WDR7: variants seen among roughly 807,000 people sequenced by gnomAD.
The protein encoded by WDR7 is WD repeat domain 7, also known as WD repeat-containing protein 7.
WDR7 carries 46 observed loss-of-function variants against 169.4 expected under a neutral mutation model. That is an observed-to-expected ratio of 0.27 (90% CI 0.21 to 0.35). The LOEUF (loss-of-function observed/expected upper bound fraction) is 0.35, where lower values mean the gene tolerates loss of function less well. WDR7 is among the 10% of genes least tolerant of loss of function. WDR7 has a pLI of 1.00. For missense variants in WDR7, 1,534 were observed against 1,859.3 expected, an observed-to-expected ratio of 0.83 and a Z score of 3.22; for synonymous variants, 612 against 666.8, an observed-to-expected ratio of 0.92 and a Z score of 1.27.
chr18:56,695,265 CT>C, intron 11 of WDR7, 67 bp downstream of exon 11: 17 of 1,548,508 alleles, frequency 1.1e-5, no homozygotes, highest in Non-Finnish European at 1.5e-5. Context: ...GAAAATGTCT[CT>C]GTTTTTTGTT....
intron 16 of WDR7, among the ~76,000 whole-genome samples, chr18:56,765,951 CT>C (rs2044059342): frequency 6.6e-6 from 1 of 151,498 alleles, no homozygotes; most frequent in Non-Finnish European, 1.5e-5. Context: ...GCTAATCTTT[CT>C]TTTAGTGAGC....
chr18:56,965,480 CCAAA>C (rs2047396149), intron 26 of WDR7, among the ~76,000 whole-genome samples: 1 of 150,878 alleles, frequency 6.6e-6, no homozygotes, highest in South Asian at 2.1e-4. Flanking sequence ...TCTGTTATTC[CCAAA>C]CAGATTATGC....
chr18:57,027,113 A>T lies in WDR7; in HGVS notation c.4379A>T (p.His1460Leu). ...GTGCAGCCCGCGTCCCCCGGCTCCCACAATGCCCTCAAGCTGGCCCGGCTC... is the reference window on the plus strand; with the variant it reads ...GTGCAGCCCGCGTCCCCCGGCTCCCTCAATGCCCTCAAGCTGGCCCGGCTC... ...PPVQPASPGS[H>L]NALKLARLIW... is the part of the protein sequence containing the mutation. Residue 1460 changes from histidine to leucine, a missense_variant, in exon 28 of 28, where the codon CAC becomes CTC. By Grantham distance (99) the His-to-Leu change is moderately conservative (BLOSUM62 -3). Transcript: ENST00000254442. The T allele has an allele frequency of 2.5e-6, 4 of 1,614,178 alleles. No homozygotes were observed. The South Asian group carries it at 3.3e-5, about 13-fold the overall frequency.
Position 57,027,083 on chromosome 18 carries a change from C to G in WDR7, c.4349C>G (p.Pro1450Arg). 2 of 1,614,188 alleles carry G rather than the reference C, an allele frequency of 1.2e-6. No homozygotes were observed. Among genetic ancestry groups the G allele is most frequent in the Non-Finnish European group, 1.7e-6 (2 of 1,180,038 alleles). Residue 1450 changes from proline (P) to arginine (R), a missense_variant, in exon 28 of 28, where the codon CCC (proline) becomes CGC (arginine). Coordinates refer to ENST00000254442, the MANE Select transcript of WDR7 (RefSeq NM_015285.3). ...QLRCIKTYQV[P>R]PVQPASPGSH... is the part of the protein sequence containing the mutation. The stretch of plus-strand genomic sequence containing the variant: ...CGCTGCATTAAAACCTACCAGGTGC[C>G]CCCTGTGCAGCCCGCGTCCCCCGGC...
intron 12 of WDR7, among the ~76,000 whole-genome samples, chr18:56,710,193 C>G (rs59203308): frequency 6.6e-6 from 1 of 151,628 alleles, no homozygotes; most frequent in African/African-American, 2.4e-5. Context: ...TTAGTAGACA[C>G]GGGGTTTCAC....
chr18:56,660,658 TA>T (rs55736389), intron 1 of WDR7, among the ~76,000 whole-genome samples: 5,729 of 145,612 alleles, frequency 0.039, 360 homozygotes, highest in African/African-American at 0.14. Context: ...ATTTAAAGGT[TA>T]AAAAAAAAAA....
At chr18:56,775,930 T>C (rs1009592921) in intron 16 of WDR7, among the ~76,000 whole-genome samples, 22 of 152,218 alleles carry the variant, frequency 1.4e-4, no homozygotes, top group African/African-American at 4.8e-4. Flanking sequence ...TGAAGATGCT[T>C]GTGCATGACA....
chr18:56,761,509 A>G (rs2043980308), intron 16 of WDR7, among the ~76,000 whole-genome samples: 1 of 152,036 alleles, frequency 6.6e-6, no homozygotes, highest in African/African-American at 2.4e-5. Flanking sequence ...TTTTAGAATC[A>G]GTTTCTCAAT....
At chr18:56,996,772 C>G (rs2047905076) in intron 26 of WDR7, among the ~76,000 whole-genome samples, 1 of 152,160 alleles carries the variant, frequency 6.6e-6, no homozygotes, top group Admixed American at 6.5e-5. Context: ...AGCTTAAAAT[C>G]AGGCTTTCAG....
At chr18:56,709,902 A>G (rs752371802) in intron 12 of WDR7, among the ~76,000 whole-genome samples, 18 of 151,740 alleles carry the variant, frequency 1.2e-4, no homozygotes, top group Non-Finnish European at 2.4e-4. Flanking sequence ...ATTAATGTAT[A>G]CCCACTGTTA....
chr18:56,978,569 C>A (rs1008847726), intron 26 of WDR7, among the ~76,000 whole-genome samples: 2 of 152,190 alleles, frequency 1.3e-5, no homozygotes, highest in African/African-American at 2.4e-5. Flanking sequence ...GGAAAATAAT[C>A]ATTAATTGTA....
At chr18:56,705,752 A>G (rs1266213963) in intron 12 of WDR7, among the ~76,000 whole-genome samples, 4 of 152,224 alleles carry the variant, frequency 2.6e-5, no homozygotes, top group Non-Finnish European at 5.9e-5. Context: ...TAATCCCAGC[A>G]TTTTGGCAGG....
intron 19 of WDR7, among the ~76,000 whole-genome samples, chr18:56,805,614 C>T (rs1464940868): frequency 1.3e-5 from 2 of 151,970 alleles, no homozygotes; most frequent in African/African-American, 2.4e-5. Context: ...AAACTGAATT[C>T]CTGAACTATT....
chr18:56,731,731 G>A lies in WDR7; in HGVS notation c.1989+134G>A, dbSNP rs1047192302. On this transcript the variant is annotated intron_variant, in intron 14 of 27. Coordinates refer to ENST00000254442, the MANE Select transcript of WDR7 (RefSeq NM_015285.3). ...AAATAAACTTTTGATTTTCATTTAG[G>A]TTTATCCAACATGGTTTGAGTTTTT... 8.7e-5 allele frequency: 70 copies of A among 802,482 alleles called. No individual in the cohort carries two copies. In the African/African-American group the frequency reaches 1.1e-3, roughly 13 times the overall value. The allele number at this position is 802,482 out of a possible 1,614,324, so 49.7% of individuals were successfully genotyped here.
chr18:56,658,924 G>T (rs2024839911), intron 1 of WDR7, among the ~76,000 whole-genome samples: 1 of 151,960 alleles, frequency 6.6e-6, no homozygotes, highest in Admixed American at 6.6e-5. Context: ...CACCATGTTG[G>T]CCAGGCTGGT....
intron 14 of WDR7, among the ~76,000 whole-genome samples, chr18:56,755,067 T>C (rs1167091663): frequency 2.0e-5 from 3 of 152,110 alleles, no homozygotes; most frequent in African/African-American, 7.2e-5. Flanking sequence ...TTATGTTTCT[T>C]TTACTGTCTT....
intron 2 of WDR7, among the ~76,000 whole-genome samples, chr18:56,674,642 T>C (rs1052008068): frequency 4.6e-5 from 7 of 151,798 alleles, no homozygotes; most frequent in Non-Finnish European, 1.0e-4. Context: ...TTCTCGATTG[T>C]GTCCTTTGAA....
chr18:56,948,496 C>T (rs1407252815), intron 25 of WDR7, among the ~76,000 whole-genome samples: 1 of 152,014 alleles, frequency 6.6e-6, no homozygotes, highest in Non-Finnish European at 1.5e-5. Context: ...CCACTCAGTT[C>T]AGTAACTGTG....
intron 18 of WDR7, 57 bp downstream of exon 18, chr18:56,779,606 T>C: frequency 7.4e-7 from 1 of 1,357,496 alleles, no homozygotes. Context: ...ATTGGTCAAA[T>C]GTAAACTTGA....
Sources: gnomAD v4.1 joint callset for allele counts (sites outside exome capture counted in the v4.1 genomes callset) on GRCh38, gnomAD v4.1.1 for gene constraint, MANE v1.5 for transcripts, NCBI Gene and HGNC (gene_info 2026-07-23, HGNC 2026-07-21) for gene names.